ATP11C: variants seen among roughly 807,000 people sequenced by gnomAD.
The protein encoded by ATP11C is phospholipid-transporting ATPase IG.
Under a neutral mutation model 97.4 loss-of-function variants are expected in ATP11C, and 36 were observed. The ratio of observed to expected loss-of-function variants is 0.37; its 90% confidence interval spans 0.28 to 0.49. The LOEUF (loss-of-function observed/expected upper bound fraction) is 0.49. Among genes scored for constraint, ATP11C ranks in the 20% least tolerant of loss-of-function variants. ATP11C has a pLI of 0.98. For missense variants in ATP11C, 730 were observed against 824.6 expected (o/e 0.89, Z 1.40); for synonymous variants, 275 against 290.9 (o/e 0.95, Z 0.56).
At chrX:139,887,770 C>T (rs1178123058) in intron 1 of ATP11C, among the ~76,000 whole-genome samples, 1 of 110,526 alleles carries the variant, frequency 9.0e-6, no homozygotes, top group Non-Finnish European at 1.9e-5. Flanking sequence ...CAGGAGTTTG[C>T]AACCAGCCTG....
chrX:139,869,114 T>C (rs5954917), intron 1 of ATP11C, among the ~76,000 whole-genome samples: 1,330 of 112,348 alleles, frequency 0.012, 22 homozygotes, highest in African/African-American at 0.042. Flanking sequence ...CAATCCCACT[T>C]CTGGGTGTAT....
intron 5 of ATP11C, among the ~76,000 whole-genome samples, chrX:139,805,958 C>T (rs2083032959): frequency 2.7e-5 from 3 of 112,127 alleles, no homozygotes; most frequent in Admixed American, 1.9e-4. Flanking sequence ...ATGTTGCTTA[C>T]ACAAAACCAC....
chrX:139,768,494 ATT>A, intron 19 of ATP11C, 60 bp from the exon 20 acceptor site: 2 of 866,690 alleles, frequency 2.3e-6, no homozygotes, highest in Non-Finnish European at 3.0e-6. Flanking sequence ...TAGGATCCAG[ATT>A]TTTTTTTTAA....
At chrX:139,755,783 T>C (rs779238722) in intron 23 of ATP11C, among the ~76,000 whole-genome samples, 11 of 112,023 alleles carry the variant, frequency 9.8e-5, no homozygotes, top group African/African-American at 3.6e-4. Context: ...ATGCAGAAGA[T>C]TGAAACTGGA....
rs1446905309 is a variant in ATP11C at position 139,798,779 on chromosome X, C to T, written c.711-36G>A. The T allele has an allele frequency of 7.3e-6, 8 of 1,094,137 alleles. No homozygotes were observed. The African/African-American group carries it at 1.1e-4, about 15-fold the overall frequency. The allele number at this position is 1,094,137 out of a possible 1,213,427, so 90.2% of individuals were successfully genotyped here. On this transcript the variant is annotated intron_variant, in intron 8 of 29. Coordinates refer to ENST00000682941, the MANE Select transcript of ATP11C (RefSeq NM_001353812.2). ...AATGAACACAGCTTATCCAAACAAG[C>T]CAATAGCATCAACAACTCTGGGGAC...
chrX:139,881,905 C>T (rs2084567290), intron 1 of ATP11C, among the ~76,000 whole-genome samples: 2 of 112,094 alleles, frequency 1.8e-5, no homozygotes, highest in Non-Finnish European at 3.8e-5. Flanking sequence ...ACTCCTTTCC[C>T]CCACTGTTTT....
chrX:139,733,191 A>AT (rs781733921), intron 28 of ATP11C, among the ~76,000 whole-genome samples: 1 of 111,383 alleles, frequency 9.0e-6, no homozygotes, highest in Admixed American at 9.5e-5. Flanking sequence ...GTAAGGTATT[A>AT]TTTTTTTTCC....
intron 1 of ATP11C, among the ~76,000 whole-genome samples, chrX:139,838,866 T>C (rs1290427080): frequency 2.7e-5 from 3 of 110,317 alleles, no homozygotes; most frequent in African/African-American, 9.9e-5. Context: ...GAAAATCGCT[T>C]GAACCCAGGA....
At position 139,767,325 on chromosome X, in the gene ATP11C, G is replaced by C. The variant is rs1187032838; in HGVS notation, c.2391+935C>G. Among the ~76,000 whole-genome samples, 6 of 111,254 alleles carry C rather than the reference G, an allele frequency of 5.4e-5. No homozygotes were observed. The Admixed American group carries it at 5.7e-4, about 11-fold the overall frequency. On this transcript the variant is annotated intron_variant, in intron 20 of 29. Transcript: ENST00000682941. The stretch of plus-strand genomic sequence containing the variant: ...GGCTTGGACTAGTTGGGCAGTAAAA[G>C]GTTTTGAAAGATGGCATCAAAATGA...
At chrX:139,935,949 T>G (rs1333528841), upstream of ATP11C, among the ~76,000 whole-genome samples, 1 of 108,569 alleles carries the variant, frequency 9.2e-6, no homozygotes, top group Non-Finnish European at 1.9e-5. Context: ...TGAGCCAAGA[T>G]CGCGCCAGTA....
At chrX:139,927,696 C>G (rs1049984437) in intron 1 of ATP11C, among the ~76,000 whole-genome samples, 2 of 109,437 alleles carry the variant, frequency 1.8e-5, no homozygotes, top group Non-Finnish European at 3.8e-5. Context: ...GACTTCTCAG[C>G]CTCTGTAACT....
intron 1 of ATP11C, among the ~76,000 whole-genome samples, chrX:139,852,164 CCAA>C (rs1423221054): frequency 9.1e-6 from 1 of 110,149 alleles, no homozygotes; most frequent in African/African-American, 3.3e-5. Flanking sequence ...GAAAAAAAAC[CCAA>C]CAACTTTTGG....
At chrX:139,874,820 G>A (rs919434572) in intron 1 of ATP11C, among the ~76,000 whole-genome samples, 2 of 111,889 alleles carry the variant, frequency 1.8e-5, no homozygotes, top group Non-Finnish European at 3.8e-5. Context: ...GGAAGGGAGA[G>A]GTAAAATGAA....
At chrX:139,743,957 G>T (rs1361210661) in intron 25 of ATP11C, among the ~76,000 whole-genome samples, 1 of 112,061 alleles carries the variant, frequency 8.9e-6, no homozygotes, top group African/African-American at 3.2e-5. Flanking sequence ...AAGTCATTTG[G>T]ATGATTCATG....
At chrX:139,769,326 A>ATATATATATT (rs2082208344) in intron 19 of ATP11C, among the ~76,000 whole-genome samples, 5 of 67,008 alleles carry the variant, frequency 7.5e-5, no homozygotes, top group African/African-American at 2.8e-4. Flanking sequence ...ATATATATAT[A>ATATATATATT]TTCTTTAAAT....
At chrX:139,798,948 A>ACG (rs1340914322) in intron 8 of ATP11C, among the ~76,000 whole-genome samples, 2 of 111,125 alleles carry the variant, frequency 1.8e-5, no homozygotes, top group African/African-American at 6.6e-5. Context: ...GAAGCACAGT[A>ACG]CGGGAGTAGC....
chrX:139,932,677 C>T lies in ATP11C; in HGVS notation c.-635G>A, dbSNP rs1002402503. On this transcript the variant is annotated 5_prime_UTR_variant, in exon 1 of 30. Transcript: ENST00000682941. Reference sequence around the variant, plus strand: ...GCGCCGCGCCGTTTCGCTCGCAGCCCCTCCTCGGTCCGCGGCTGCCGCGCC... The same window carrying T: ...GCGCCGCGCCGTTTCGCTCGCAGCCTCTCCTCGGTCCGCGGCTGCCGCGCC... 1 of 112,894 alleles carries T rather than the reference C, an allele frequency of 8.9e-6. No individual in the cohort carries two copies. Among genetic ancestry groups the T allele is most frequent in the African/African-American group, 3.2e-5 (1 of 30,937 alleles). 9.3% of individuals were successfully genotyped at this position (112,894 alleles called of 1,213,427 possible). A position where few individuals can be genotyped will look rare whatever the true frequency, so the allele number is the denominator to read the frequency against.
chrX:139,729,530 T>A (rs1346366012), intron 29 of ATP11C, among the ~76,000 whole-genome samples: 1 of 111,946 alleles, frequency 8.9e-6, no homozygotes, highest in Non-Finnish European at 1.9e-5. Flanking sequence ...GAAGTTAATT[T>A]TCCTTTTGGT....
In ATP11C at chrX:139,808,841, G is replaced by A. The variant is rs969828256; in HGVS notation, c.427-4242C>T. On this transcript the variant is annotated intron_variant, in intron 5 of 29. Coordinates refer to ENST00000682941, the MANE Select transcript of ATP11C (RefSeq NM_001353812.2). Reference sequence around the variant, plus strand: ...TTAAAAACAGTTTTAGGCTGGGCACGGTGGCTCCCACCCATACTCCTAGCA... The same window carrying A: ...TTAAAAACAGTTTTAGGCTGGGCACAGTGGCTCCCACCCATACTCCTAGCA... 8.0e-5 allele frequency among the ~76,000 whole-genome samples: 9 copies of A among 112,324 alleles called. No homozygotes were observed. In the East Asian group the frequency reaches 2.2e-3, roughly 28 times the overall value.
Sources: gnomAD v4.1 joint callset for allele counts (sites outside exome capture counted in the v4.1 genomes callset) on GRCh38, gnomAD v4.1.1 for gene constraint, MANE v1.5 for transcripts, NCBI Gene and HGNC (gene_info 2026-07-23, HGNC 2026-07-21) for gene names.